Variants in METTL22 observed in about 807,000 individuals in gnomAD.
METTL22 encodes the protein methyltransferase-like protein 22.
Under a neutral mutation model 48.4 loss-of-function variants are expected in METTL22, and 51 were observed. The observed-to-expected ratio is 1.05, with a 90% CI of 0.84 to 1.33. The LOEUF (loss-of-function observed/expected upper bound fraction) is 1.33, where lower values mean the gene tolerates loss of function less well. Among genes scored for constraint, METTL22 ranks in the 40% most tolerant of loss-of-function variants. The pLI is 0.00. For missense variants in METTL22, 678 were observed against 526.9 expected (o/e 1.29, Z -2.81); for synonymous variants, 255 against 214.1 (o/e 1.19, Z -1.67).
At chr16:8,638,167 C>T (rs943633713) in intron 5 of METTL22, among the ~76,000 whole-genome samples, 2 of 152,032 alleles carry the variant, frequency 1.3e-5, no homozygotes, top group Non-Finnish European at 2.9e-5. Context: ...CTAAGCCCAT[C>T]GTGTGCTGTC....
In METTL22 at chr16:8,628,976, G is replaced by T; in HGVS notation, c.380G>T (p.Arg127Ile). ...DEDGDLDVVR[R>I]PRAASDSNPA... ...GATGGGGATTTGGACGTGGTGAGAA[G>T]ACCACGAGCCGCCTCTGATTCCAAC... Residue 127 changes from arginine (R) to isoleucine (I), a missense_variant, in exon 3 of 11, where the codon AGA becomes ATA. Arg to Ile is a moderately conservative substitution (Grantham distance 97). Coordinates refer to ENST00000381920, the MANE Select transcript of METTL22 (RefSeq NM_024109.4). 1 of 1,614,072 alleles carries T rather than the reference G, an allele frequency of 6.2e-7. No individual in the cohort carries two copies. Among genetic ancestry groups the T allele is most frequent in the Non-Finnish European group, 8.5e-7 (1 of 1,180,048 alleles).
chr16:8,628,649 C>T (rs749564876), intron 2 of METTL22, 81 bp from the exon 3 acceptor site: 137 of 1,503,828 alleles, frequency 9.1e-5, no homozygotes, highest in Non-Finnish European at 1.2e-4. Flanking sequence ...TATTGGTAAT[C>T]AGATATTCTC....
intron 2 of METTL22, 146 bp downstream of exon 2, chr16:8,625,944 A>G (rs1555470326): frequency 9.5e-7 from 1 of 1,055,526 alleles, no homozygotes; most frequent in Non-Finnish European, 1.4e-6. Flanking sequence ...TTTCTTTATG[A>G]TTTTTTAAAA....
intron 7 of METTL22, chr16:8,641,790 A>G (rs1449444779): frequency 2.2e-6 from 1 of 457,676 alleles, no homozygotes; most frequent in Non-Finnish European, 4.0e-6. Context: ...GTGAGTGCAA[A>G]ACTGAGGCTG....
At chr16:8,653,057 G>A (rs146395004), downstream of METTL22, among the ~76,000 whole-genome samples, 83 of 152,258 alleles carry the variant, frequency 5.5e-4, no homozygotes, top group African/African-American at 1.8e-3. Flanking sequence ...TGCATGCGCC[G>A]GGCAAACGGT....
the METTL22 span, among the ~76,000 whole-genome samples, chr16:8,658,964 A>C: frequency 6.7e-6 from 1 of 148,864 alleles, no homozygotes; most frequent in South Asian, 2.2e-4. Context: ...CTCTCAAACC[A>C]CCCACCCAGC....
chr16:8,639,495 T>G, intron 6 of METTL22: 1 of 348,542 alleles, frequency 2.9e-6, no homozygotes, highest in African/African-American at 2.0e-5. Flanking sequence ...CTTTCTCAGA[T>G]GCAAGCCAGT....
rs779668913 is a variant in METTL22 at position 8,625,755 on chromosome 16, C to G, written c.90C>G (p.Asn30Lys). 9 of 1,614,084 alleles carry G rather than the reference C, an allele frequency of 5.6e-6. No homozygotes were observed. In the African/African-American group the frequency reaches 8.0e-5, roughly 14 times the overall value. Residue 30 changes from asparagine (N) to lysine (K), a missense_variant, in exon 2 of 11, where the codon AAC becomes AAG. Coordinates refer to ENST00000381920, the MANE Select transcript of METTL22 (RefSeq NM_024109.4). ...VLSDVHLYTP[N>K]HRHLMVRLNS... ...CAGATGTCCACCTCTATACCCCGAACCATAGACATCTCATGGTACGGCTGA... is the reference window on the plus strand; with the variant it reads ...CAGATGTCCACCTCTATACCCCGAAGCATAGACATCTCATGGTACGGCTGA...
intron 3 of METTL22, among the ~76,000 whole-genome samples, chr16:8,634,749 G>A (rs971457196): frequency 7.2e-5 from 11 of 152,124 alleles, no homozygotes; most frequent in South Asian, 2.1e-4. Flanking sequence ...ATTAAATTGC[G>A]TGAAAACCTA....
rs1430023918 is a variant in METTL22 at position 8,648,186 on chromosome 16, CATG to C, written c.*2044_*2046del. On this transcript the variant is annotated 3_prime_UTR_variant, in exon 11 of 11. Transcript: ENST00000381920. The stretch of plus-strand genomic sequence containing the variant: ...AAAATTAAACAGCCAATTAGTCTGG[CATG>C]GTGGTTTGCGCCTGCAGTCCCAGCT... 1 of 152,394 alleles carries C rather than the reference CATG, an allele frequency of 6.6e-6. No individual in the cohort carries two copies. Among genetic ancestry groups the C allele is most frequent in the Admixed American group, 6.5e-5 (1 of 15,278 alleles). 9.4% of individuals were successfully genotyped at this position (152,394 alleles called of 1,614,324 possible). A position where few individuals can be genotyped will look rare whatever the true frequency, so the allele number is the denominator to read the frequency against.
chr16:8,623,921 AG>A (rs916234584), intron 1 of METTL22: 2 of 152,174 alleles, frequency 1.3e-5, no homozygotes, highest in African/African-American at 4.8e-5. Context: ...ATAGGCAGTC[AG>A]GGGTTACAGG....
the METTL22 span, among the ~76,000 whole-genome samples, chr16:8,658,967 C>T: frequency 8.5e-5 from 13 of 152,144 alleles, no homozygotes; most frequent in African/African-American, 3.1e-4. Context: ...TCAAACCACC[C>T]ACCCAGCCCC....
intron 2 of METTL22, among the ~76,000 whole-genome samples, chr16:8,628,196 A>G (rs7189399): frequency 0.013 from 1,908 of 152,266 alleles, 47 homozygotes; most frequent in African/African-American, 0.044. Context: ...TTCTTCCCCA[A>G]CTTCACTCCT....
rs954196235 is a variant in METTL22, at chr16:8,641,036, G to A, written c.773-95G>A. On this transcript the variant is annotated intron_variant, in intron 6 of 10. Transcript: ENST00000381920. Reference sequence around the variant, plus strand: ...TGGGTGAGAGCAAGGGTGGGTGGGTGGATAGATGGATCTTCATATATAGTG... The same window carrying A: ...TGGGTGAGAGCAAGGGTGGGTGGGTAGATAGATGGATCTTCATATATAGTG... The A allele has an allele frequency of 3.2e-4, 372 of 1,168,028 alleles. 1 individual carries two copies. The highest frequency in any genetic ancestry group is 3.5e-4 in the Non-Finnish European group (282 of 797,084). 72.4% of individuals were successfully genotyped at this position (1,168,028 alleles called of 1,614,324 possible). A position where few individuals can be genotyped will look rare whatever the true frequency, so the allele number is the denominator to read the frequency against.
At chr16:8,642,588 C>G in intron 9 of METTL22, 23 bp downstream of exon 9, 1 of 1,604,178 alleles carries the variant, frequency 6.2e-7, no homozygotes, top group Non-Finnish European at 8.5e-7. Flanking sequence ...CCACGGGAAC[C>G]GTGCTGACGT....
chr16:8,661,469 A>G, the METTL22 span, among the ~76,000 whole-genome samples: 2 of 142,958 alleles, frequency 1.4e-5, no homozygotes, highest in African/African-American at 2.6e-5. Flanking sequence ...AAATGGTGAA[A>G]CCCCGTCTCT....
rs765922437 is a variant in METTL22, at chr16:8,635,288, A to G, written c.676A>G (p.Met226Val). 5 of 1,593,238 alleles carry G rather than the reference A, an allele frequency of 3.1e-6. No homozygotes were observed. In the Admixed American group the frequency reaches 6.8e-5, roughly 22 times the overall value. The part of the protein sequence containing the change: ...TGLASIIAAT[M>V]ARTVYCTDVG... Reference sequence around the variant, plus strand: ...GCTCGCTAGCATCATCGCAGCCACCATGGCACGGACCGTTTATTGTACAGG... The same window carrying G: ...GCTCGCTAGCATCATCGCAGCCACCGTGGCACGGACCGTTTATTGTACAGG... Residue 226 changes from methionine (M) to valine (V), a missense_variant, in exon 5 of 11, where the codon ATG becomes GTG. Coordinates refer to ENST00000381920, the MANE Select transcript of METTL22 (RefSeq NM_024109.4).
the METTL22 span, among the ~76,000 whole-genome samples, chr16:8,659,242 A>G: frequency 1.3e-5 from 2 of 152,000 alleles, no homozygotes; most frequent in Non-Finnish European, 2.9e-5. Context: ...AAGAAGGGAG[A>G]ATTGCTTGAA....
intron 1 of METTL22, among the ~76,000 whole-genome samples, chr16:8,622,092 CAA>C (rs1469881742): frequency 6.6e-6 from 1 of 152,212 alleles, no homozygotes; most frequent in Non-Finnish European, 1.5e-5. Flanking sequence ...GGCGACAAGA[CAA>C]AGAGAACGAG....
Sources: allele counts gnomAD v4.1 joint callset (sites outside exome capture counted in the v4.1 genomes callset), GRCh38; gene constraint gnomAD v4.1.1; transcripts MANE v1.5; gene names NCBI Gene and HGNC (gene_info 2026-07-23, HGNC 2026-07-21).